ERC2: variants seen among roughly 807,000 people sequenced by gnomAD.
The protein encoded by ERC2 is ELKS/RAB6-interacting/CAST family member 2.
Under a neutral mutation model 114.8 loss-of-function variants are expected in ERC2, and 42 were observed. The observed-to-expected ratio is 0.37, with a 90% CI of 0.29 to 0.47. The LOEUF (loss-of-function observed/expected upper bound fraction) is 0.47, where lower values mean the gene tolerates loss of function less well. Among genes scored for constraint, ERC2 ranks in the 20% least tolerant of loss-of-function variants. The pLI, the probability that ERC2 is intolerant of heterozygous loss-of-function variation, is 0.99. For synonymous variants in ERC2, 454 were observed against 425.5 expected, an observed-to-expected ratio of 1.07 and a Z score of -0.82; for missense variants, 939 against 1,150.7, an observed-to-expected ratio of 0.82 and a Z score of 2.66.
At chr3:56,172,594 T>C (rs1344547443) in intron 4 of ERC2, among the ~76,000 whole-genome samples, 1 of 152,220 alleles carries the variant, frequency 6.6e-6, no homozygotes, top group African/African-American at 2.4e-5. Context: ...AGTTTTACAC[T>C]TGAGCGTGGA....
chr3:55,814,563 C>A, intron 14 of ERC2, among the ~76,000 whole-genome samples: 1 of 152,170 alleles, frequency 6.6e-6, no homozygotes, highest in Middle Eastern at 3.2e-3. Context: ...AAAACCATAG[C>A]TCAGGCATGA....
chr3:56,057,470 A>T (rs1252474953), intron 7 of ERC2, among the ~76,000 whole-genome samples: 1 of 152,132 alleles, frequency 6.6e-6, no homozygotes, highest in Non-Finnish European at 1.5e-5. Context: ...ATTCTTCTTA[A>T]TTAGAAAGCC....
intron 13 of ERC2, among the ~76,000 whole-genome samples, chr3:55,913,512 A>C (rs1434263570): frequency 1.3e-5 from 2 of 151,816 alleles, no homozygotes; most frequent in East Asian, 3.9e-4. Flanking sequence ...ATCCAGAAAC[A>C]GAGGTATATT....
Position 55,509,044 on chromosome 3 carries a change from A to G in ERC2, c.*2272T>C, listed in dbSNP as rs902001769. The G allele has an allele frequency of 3.9e-5, 6 of 152,662 alleles. No individual in the cohort carries two copies. The highest frequency in any genetic ancestry group is 1.4e-4 in the African/African-American group (6 of 41,458). The allele number at this position is 152,662 out of a possible 1,614,324, so 9.5% of individuals were successfully genotyped here. A position where few individuals can be genotyped will look rare whatever the true frequency, so the allele number is the denominator to read the frequency against. ...TGGTAACCCCCAAACATCAGAGAATATTACACGAAATGGGAAAGGTTGTTA... is the reference window on the plus strand; with the variant it reads ...TGGTAACCCCCAAACATCAGAGAATGTTACACGAAATGGGAAAGGTTGTTA... On this transcript the variant is annotated 3_prime_UTR_variant, in exon 18 of 18. Transcript: ENST00000288221.
Position 56,191,308 on chromosome 3 carries a change from G to A in ERC2, c.1075-17788C>T, listed in dbSNP as rs376733693. On this transcript the variant is annotated intron_variant, in intron 3 of 17. Transcript: ENST00000288221. ...CAAGAGGTATAGAGTCCTCAGCCAC[G>A]TACTACCCCTGGAGGAGGCACACTG... Among the ~76,000 whole-genome samples the A allele has an allele frequency of 1.1e-4, 16 of 152,218 alleles. No homozygotes were observed. The East Asian group carries it at 2.5e-3, about 24-fold the overall frequency.
chr3:56,030,198 A>G (rs560668080), intron 7 of ERC2, among the ~76,000 whole-genome samples: 2 of 152,286 alleles, frequency 1.3e-5, no homozygotes, highest in African/African-American at 2.4e-5. Flanking sequence ...AGTTTGTTCA[A>G]ATTTGGTGAG....
At chr3:55,708,369 C>T (rs1486104439) in intron 15 of ERC2, among the ~76,000 whole-genome samples, 5 of 152,186 alleles carry the variant, frequency 3.3e-5, no homozygotes, top group African/African-American at 4.8e-5. Flanking sequence ...AGGGAAAGGC[C>T]CTAGATGTTT....
At chr3:56,388,825 C>T (rs1310573003) in intron 2 of ERC2, among the ~76,000 whole-genome samples, 1 of 152,142 alleles carries the variant, frequency 6.6e-6, no homozygotes, top group African/African-American at 2.4e-5. Context: ...CTAACAGCAA[C>T]TCAGCATTCA....
intron 17 of ERC2, among the ~76,000 whole-genome samples, chr3:55,596,776 C>A (rs2058159491): frequency 6.6e-6 from 1 of 151,962 alleles, no homozygotes; most frequent in Non-Finnish European, 1.5e-5. Context: ...AACAACCTAC[C>A]AGGAGCTATA....
chr3:56,339,200 G>T (rs984061135), intron 2 of ERC2, among the ~76,000 whole-genome samples: 1 of 152,156 alleles, frequency 6.6e-6, no homozygotes, highest in African/African-American at 2.4e-5. Context: ...GAAAATAGAA[G>T]TAACAACAGA....
intron 3 of ERC2, among the ~76,000 whole-genome samples, chr3:56,226,016 C>G (rs1193942492): frequency 6.6e-6 from 1 of 152,136 alleles, no homozygotes; most frequent in Admixed American, 6.5e-5. Context: ...GAAGTACTAT[C>G]GCGACAGAGA....
chr3:55,559,794 G>A (rs2055878387), intron 17 of ERC2, among the ~76,000 whole-genome samples: 1 of 152,248 alleles, frequency 6.6e-6, no homozygotes, highest in Non-Finnish European at 1.5e-5. Context: ...TTTCTAGCAA[G>A]GGCTTGACCT....
At chr3:56,392,144 A>G (rs1476482142) in intron 2 of ERC2, among the ~76,000 whole-genome samples, 1 of 152,214 alleles carries the variant, frequency 6.6e-6, no homozygotes, top group Non-Finnish European at 1.5e-5. Flanking sequence ...ATTTTAAAGA[A>G]ATGTTTCAAA....
At chr3:56,051,327 G>C (rs2075754355) in intron 7 of ERC2, among the ~76,000 whole-genome samples, 1 of 152,212 alleles carries the variant, frequency 6.6e-6, no homozygotes, top group East Asian at 1.9e-4. Context: ...ATTTGCAGGG[G>C]ATTACATGAT....
chr3:55,699,235 G>A, intron 16 of ERC2, 143 bp downstream of exon 16: 1 of 1,054,494 alleles, frequency 9.5e-7, no homozygotes, highest in South Asian at 1.5e-5. Flanking sequence ...CTTGACTGAT[G>A]GAAATAAATA....
At chr3:55,779,500 CAA>C (rs922942901) in intron 14 of ERC2, among the ~76,000 whole-genome samples, 1 of 136,104 alleles carries the variant, frequency 7.3e-6, no homozygotes, top group Admixed American at 7.4e-5. Flanking sequence ...GACTCTGTCT[CAA>C]AAAAAAAAAA....
At chr3:55,658,343 A>T (rs549144749) in intron 17 of ERC2, 1 of 152,336 alleles carries the variant, frequency 6.6e-6, no homozygotes, top group South Asian at 2.1e-4. Context: ...AAGCAATCTT[A>T]ACTCAAAATT....
intron 17 of ERC2, among the ~76,000 whole-genome samples, chr3:55,641,450 T>A (rs947259007): frequency 1.4e-5 from 2 of 146,978 alleles, no homozygotes; most frequent in African/African-American, 5.1e-5. Context: ...CTCAGTAGGC[T>A]GAGGCAGGAA....
chr3:55,711,021 C>A (rs1046595920), intron 15 of ERC2, among the ~76,000 whole-genome samples: 11 of 152,182 alleles, frequency 7.2e-5, no homozygotes, highest in Non-Finnish European at 1.2e-4. Context: ...GCAGATGAGT[C>A]CACCATGTCC....
Sources: allele counts gnomAD v4.1 joint callset (sites outside exome capture counted in the v4.1 genomes callset), GRCh38; gene constraint gnomAD v4.1.1; transcripts MANE v1.5; gene names NCBI Gene and HGNC (gene_info 2026-07-23, HGNC 2026-07-21).